RHOBTB2: variants seen among roughly 807,000 people sequenced by gnomAD.
RHOBTB2 encodes the protein Rho related BTB domain containing 2.
Under a neutral mutation model 66.5 loss-of-function variants are expected in RHOBTB2, and 39 were observed. That is an observed-to-expected ratio of 0.59 (90% confidence interval 0.45 to 0.77). The LOEUF (loss-of-function observed/expected upper bound fraction) is 0.77, where lower values mean the gene tolerates loss of function less well. RHOBTB2 is among the 30% of genes least tolerant of loss of function. The pLI, the probability that RHOBTB2 is intolerant of heterozygous loss-of-function variation, is 0.00. For missense variants in RHOBTB2, 755 were observed against 999.1 expected (o/e 0.76, Z 3.29); for synonymous variants, 390 against 395.0 (o/e 0.99, Z 0.15).
At chr8:22,978,852 C>G in the RHOBTB2 span, among the ~76,000 whole-genome samples, 4 of 151,862 alleles carry the variant, frequency 2.6e-5, no homozygotes, top group Non-Finnish European at 5.9e-5. Context: ...ATGTTGAAAT[C>G]ATGTGTTTTT....
the RHOBTB2 span, among the ~76,000 whole-genome samples, chr8:22,963,761 T>TTTTA: frequency 6.6e-6 from 1 of 151,742 alleles, no homozygotes; most frequent in African/African-American, 2.4e-5. Flanking sequence ...GACACTCTTA[T>TTTTA]TTTATTTATT....
the RHOBTB2 span, among the ~76,000 whole-genome samples, chr8:22,956,468 C>T: frequency 6.6e-6 from 1 of 152,104 alleles, no homozygotes; most frequent in East Asian, 1.9e-4. Context: ...TAGCCCCTCC[C>T]CCTCCTCCTC....
upstream of RHOBTB2, among the ~76,000 whole-genome samples, chr8:22,982,595 T>A (rs957272330): frequency 6.6e-6 from 1 of 152,088 alleles, no homozygotes; most frequent in African/African-American, 2.4e-5. Context: ...GGCAAGAGGA[T>A]CACTTGAGCC....
Position 23,005,427 on chromosome 8 carries a change from G to A in RHOBTB2, c.248G>A (p.Trp83Ter), listed in dbSNP as rs1357068280. 6.2e-7 allele frequency: 1 copy of A among 1,614,010 alleles called. No homozygotes were observed. Among genetic ancestry groups the A allele is most frequent in the Admixed American group, 1.7e-5 (1 of 60,010 alleles). The change falls in exon 3 of 10, where the codon TGG becomes TAG. Residue 83 changes from tryptophan to a stop codon, truncating the protein, a stop_gained. Coordinates refer to ENST00000251822, the MANE Select transcript of RHOBTB2 (RefSeq NM_015178.3). LOFTEE classifies it high-confidence loss of function. ...VDDVSVSLRLWDTFGDHHKDR... is the reference protein window; with the variant it reads ...VDDVSVSLRL ...GATGTCAGCGTCTCTCTGCGCCTCT[G>A]GGACACCTTTGGAGACCACCACAAA...
chr8:22,965,394 T>G, the RHOBTB2 span, among the ~76,000 whole-genome samples: 5 of 150,676 alleles, frequency 3.3e-5, no homozygotes, highest in Non-Finnish European at 7.4e-5. Context: ...CCTATCAAAA[T>G]CCCAATTATG....
the RHOBTB2 span, among the ~76,000 whole-genome samples, chr8:22,956,585 G>T: frequency 1.3e-5 from 2 of 152,156 alleles, no homozygotes; most frequent in African/African-American, 2.4e-5. Context: ...CATGCTTCCT[G>T]TACAGCCTGT....
chr8:23,010,753 G>T, intron 7 of RHOBTB2, 65 bp downstream of exon 7: 1 of 1,553,366 alleles, frequency 6.4e-7, no homozygotes, highest in Non-Finnish European at 8.8e-7. Context: ...AAGGTGCAAT[G>T]TTCTCCTCTC....
intron 1 of RHOBTB2, among the ~76,000 whole-genome samples, chr8:22,991,279 T>C (rs1810418922): frequency 6.6e-6 from 1 of 152,132 alleles, no homozygotes; most frequent in African/African-American, 2.4e-5. Context: ...CCTTGTATAC[T>C]TCCCACCAGG....
chr8:22,975,295 C>G, the RHOBTB2 span, among the ~76,000 whole-genome samples: 1 of 152,130 alleles, frequency 6.6e-6, no homozygotes, highest in East Asian at 1.9e-4. Context: ...CTCTCACTAG[C>G]TGGGGAGATC....
At position 23,008,881 on chromosome 8, in the gene RHOBTB2, A is replaced by G. The variant is rs567971067; in HGVS notation, c.1620+770A>G. 2.6e-5 allele frequency among the ~76,000 whole-genome samples: 4 copies of G among 151,940 alleles called. No individual in the cohort carries two copies. The East Asian group carries it at 7.7e-4, about 29-fold the overall frequency. Reference sequence around the variant, plus strand: ...CCTGGAGTGTGAGGGCCCATAGGGGAGGTAGTGGGCTGTGGGCTCTGGATT... The same window carrying G: ...CCTGGAGTGTGAGGGCCCATAGGGGGGGTAGTGGGCTGTGGGCTCTGGATT... On this transcript the variant is annotated intron_variant, in intron 6 of 9. Coordinates refer to ENST00000251822, the MANE Select transcript of RHOBTB2 (RefSeq NM_015178.3).
the RHOBTB2 span, among the ~76,000 whole-genome samples, chr8:22,968,707 C>T: frequency 6.6e-6 from 1 of 151,558 alleles, no homozygotes; most frequent in Non-Finnish European, 1.5e-5. Context: ...TAGGAATAAA[C>T]CCAAGAATGA....
At chr8:22,965,599 T>C in the RHOBTB2 span, among the ~76,000 whole-genome samples, 1 of 152,124 alleles carries the variant, frequency 6.6e-6, no homozygotes, top group Non-Finnish European at 1.5e-5. Flanking sequence ...ACCAGTGGAA[T>C]AGAGAAGAAG....
At chr8:22,971,067 A>G in the RHOBTB2 span, among the ~76,000 whole-genome samples, 1 of 152,130 alleles carries the variant, frequency 6.6e-6, no homozygotes. Context: ...TCTTCCTCCC[A>G]ACATGAGGGA....
chr8:22,964,823 TATTTATTTATTG>T, the RHOBTB2 span, among the ~76,000 whole-genome samples: 1 of 128,306 alleles, frequency 7.8e-6, no homozygotes, highest in African/African-American at 2.6e-5. Context: ...TTTATTTATT[TATTTATTTATTG>T]AGATGGAGTC....
Position 23,006,637 on chromosome 8 carries a change from G to C in RHOBTB2, c.483-91G>C. 1 of 1,309,210 alleles carries C rather than the reference G, an allele frequency of 7.6e-7. No individual in the cohort carries two copies. Among genetic ancestry groups the C allele is most frequent in the Admixed American group, 2.0e-5 (1 of 50,312 alleles). 81.1% of individuals were successfully genotyped at this position (1,309,210 alleles called of 1,614,324 possible). ...AGGAGTGGGTGGGGATTGGCACCCA[G>C]ATCCTGAGCAGAGTCCCTCCAGCCT... On this transcript the variant is annotated intron_variant, in intron 4 of 9. Transcript: ENST00000251822. This position sits in a 1 kb window ranked among gnomAD's most constrained non-coding sequence, Gnocchi z 6.1.
chr8:22,996,547 GTGTGTGTGTGTGTGTGTGTGTC>G (rs1364850763), upstream of RHOBTB2, among the ~76,000 whole-genome samples: 409 of 133,670 alleles, frequency 3.1e-3, 4 homozygotes, highest in African/African-American at 6.6e-3. Flanking sequence ...GTGTGTGTGT[GTGTGTGTGTGTGTGTGTGTGTC>G]TGTGTGTCTG....
chr8:22,998,032 C>CA, upstream of RHOBTB2, among the ~76,000 whole-genome samples: 1 of 152,258 alleles, frequency 6.6e-6, no homozygotes. Flanking sequence ...GTAGCACTGT[C>CA]AGTCATTGTT....
In RHOBTB2 at chr8:22,999,928, G is replaced by A. The variant is rs1168635794; in HGVS notation, c.-188G>A. ...ACGTCCGGCCTGGGCTGCCCTGCCG[G>A]AGTTTCTGAGTGGCCGCGAGCTGGC... On this transcript the variant is annotated 5_prime_UTR_variant, in exon 1 of 10. Coordinates refer to ENST00000251822, the MANE Select transcript of RHOBTB2 (RefSeq NM_015178.3). The A allele has an allele frequency of 2.0e-6, 2 of 985,256 alleles. No individual in the cohort carries two copies. Among genetic ancestry groups the A allele is most frequent in the Non-Finnish European group, 2.4e-6 (2 of 829,926 alleles). The allele number at this position is 985,256 out of a possible 1,614,324, so 61.0% of individuals were successfully genotyped here.
At chr8:23,000,136 G>A (rs1235527767) in intron 1 of RHOBTB2, 31 bp downstream of exon 1, 4 of 985,292 alleles carry the variant, frequency 4.1e-6, no homozygotes, top group Non-Finnish European at 4.8e-6. Flanking sequence ...GGTTATGGCG[G>A]GGTGGCCAGC....
Sources: gnomAD v4.1 joint callset for allele counts (sites outside exome capture counted in the v4.1 genomes callset) on GRCh38, gnomAD v4.1.1 for gene constraint, Gnocchi (gnomAD v3.1) non-coding constraint, MANE v1.5 for transcripts, NCBI Gene and HGNC (gene_info 2026-07-23, HGNC 2026-07-21) for gene names.